The following CRPPA variants were observed in gnomAD, a reference collection of about 807,000 sequenced individuals.
CRPPA encodes CDP-L-ribitol pyrophosphorylase A.
In CRPPA, 43 loss-of-function variants were observed where a neutral mutation model predicts 52.0. The ratio of observed to expected loss-of-function variants is 0.83; its 90% CI spans 0.65 to 1.07. The LOEUF (loss-of-function observed/expected upper bound fraction) is 1.07, where lower values mean the gene tolerates loss of function less well. CRPPA is among the 50% of genes least tolerant of loss of function. CRPPA has a pLI of 0.00. For synonymous variants in CRPPA, 250 were observed against 203.5 expected, an observed-to-expected ratio of 1.23 and a Z score of -1.94; for missense variants, 629 against 551.7, an observed-to-expected ratio of 1.14 and a Z score of -1.40.
chr7:16,372,402 T>C (rs1446227442), intron 3 of CRPPA, among the ~76,000 whole-genome samples: 1 of 152,198 alleles, frequency 6.6e-6, no homozygotes, highest in East Asian at 1.9e-4. Context: ...TTTAGCCTCC[T>C]GAAACAAATA....
intron 8 of CRPPA, among the ~76,000 whole-genome samples, chr7:16,219,490 T>C (rs1393077931): frequency 3.9e-5 from 4 of 103,498 alleles, no homozygotes; most frequent in Non-Finnish European, 8.2e-5. Context: ...TTCAAAAAAT[T>C]AATGAATCCA....
intron 9 of CRPPA, among the ~76,000 whole-genome samples, chr7:16,165,080 T>A (rs2109369): frequency 0.014 from 2,162 of 152,238 alleles, 26 homozygotes; most frequent in Non-Finnish European, 0.022. Flanking sequence ...AACGTTTAAG[T>A]CTGCTAAGGT....
chr7:16,099,410 AAGGGGAGGGG>A (rs1262319133), intron 9 of CRPPA, among the ~76,000 whole-genome samples: 1 of 107,962 alleles, frequency 9.3e-6, no homozygotes, highest in Admixed American at 1.1e-4. Flanking sequence ...AAGGGGAGGG[AAGGGGAGGGG>A]AGGGAAGGGG....
intron 2 of CRPPA, among the ~76,000 whole-genome samples, chr7:16,399,711 G>T (rs553719114): frequency 6.6e-6 from 1 of 151,412 alleles, no homozygotes; most frequent in South Asian, 2.1e-4. Context: ...TGACCAACAT[G>T]ACTGACATGA....
At chr7:16,172,437 G>A (rs545753027) in intron 9 of CRPPA, among the ~76,000 whole-genome samples, 2 of 152,256 alleles carry the variant, frequency 1.3e-5, no homozygotes, top group South Asian at 4.1e-4. Context: ...GAGTCTAGAA[G>A]GAAATTTCTT....
At chr7:16,116,482 T>C (rs1293590632) in intron 9 of CRPPA, among the ~76,000 whole-genome samples, 2 of 151,936 alleles carry the variant, frequency 1.3e-5, no homozygotes, top group Non-Finnish European at 2.9e-5. Context: ...CTGGCCAACA[T>C]GGCGAAACCC....
intron 2 of CRPPA, among the ~76,000 whole-genome samples, chr7:16,401,554 A>T (rs181012082): frequency 6.6e-6 from 1 of 152,166 alleles, no homozygotes; most frequent in African/African-American, 2.4e-5. Flanking sequence ...TTCCACCAGG[A>T]GCAATACTTA....
Position 16,341,067 on chromosome 7 carries a change from T to A in CRPPA, c.685-32440A>T, listed in dbSNP as rs553091574. Among the ~76,000 whole-genome samples, 60 of 152,164 alleles carry A rather than the reference T, an allele frequency of 3.9e-4. 1 individual carries two copies. In the South Asian group the frequency reaches 0.011, roughly 29 times the overall value. On this transcript the variant is annotated intron_variant, in intron 3 of 9. Transcript: ENST00000407010. ...AAGGCAAGCTACGGAGACAGTAAAA[T>A]CATCAGGGGTTGTTAGATGTTGGGG... is the stretch of plus-strand genomic sequence containing the variant.
In CRPPA at chr7:16,229,724, A is replaced by G. The variant is rs539469518; in HGVS notation, c.1120-13527T>C. ...TGGATTTCACTGTATACTTTTACCAATAAGTTTTATATTTTCAAATGTTTT... is the reference window on the plus strand; with the variant it reads ...TGGATTTCACTGTATACTTTTACCAGTAAGTTTTATATTTTCAAATGTTTT... On this transcript the variant is annotated intron_variant, in intron 8 of 9. Coordinates refer to ENST00000407010, the MANE Select transcript of CRPPA (RefSeq NM_001101426.4). Among the ~76,000 whole-genome samples, 110 of 152,176 alleles carry G rather than the reference A, an allele frequency of 7.2e-4. 2 individuals are homozygous for G. Among genetic ancestry groups the G allele is most frequent in the African/African-American group, 2.6e-3 (107 of 41,550 alleles).
rs6959673 is a variant in CRPPA, at chr7:16,307,081, A to G, written c.789+1442T>C. On this transcript the variant is annotated intron_variant, in intron 4 of 9. Coordinates refer to ENST00000407010, the MANE Select transcript of CRPPA (RefSeq NM_001101426.4). ...TACAGGGCTTTCTGTTTTAAAAATC[A>G]GTAAGGAAATATGCTTATAGACTCA... Among the ~76,000 whole-genome samples, 759 of 152,302 alleles carry G rather than the reference A, an allele frequency of 5.0e-3. 7 individuals carry two copies. The highest frequency in any genetic ancestry group is 0.017 in the African/African-American group (721 of 41,576).
intron 8 of CRPPA, among the ~76,000 whole-genome samples, chr7:16,254,361 G>A (rs1783554728): frequency 6.6e-6 from 1 of 152,118 alleles, no homozygotes; most frequent in African/African-American, 2.4e-5. Context: ...ACGATAGACT[G>A]GATTAAGAAA....
rs1371272175 is a variant in CRPPA at position 16,090,226 on chromosome 7, G to A, written c.*1469C>T. 6.6e-6 allele frequency: 1 copy of A among 151,970 alleles called. No individual in the cohort carries two copies. The highest frequency in any genetic ancestry group is 2.4e-5 in the African/African-American group (1 of 41,360). The allele number at this position is 151,970 out of a possible 1,614,324, so 9.4% of individuals were successfully genotyped here. On this transcript the variant is annotated 3_prime_UTR_variant, in exon 10 of 10. Coordinates refer to ENST00000407010, the MANE Select transcript of CRPPA (RefSeq NM_001101426.4). The stretch of plus-strand genomic sequence containing the variant: ...ACATTCAAATAACACATTTCAATTA[G>A]GAGAATGTAAAATATAAACTCTCCT...
At chr7:16,355,354 A>T (rs1436740814) in intron 3 of CRPPA, among the ~76,000 whole-genome samples, 2 of 152,190 alleles carry the variant, frequency 1.3e-5, no homozygotes, top group African/African-American at 4.8e-5. Flanking sequence ...ATAATTTAAG[A>T]CATCATTACA....
chr7:16,323,603 C>G (rs1223744757), intron 3 of CRPPA, among the ~76,000 whole-genome samples: 1 of 152,188 alleles, frequency 6.6e-6, no homozygotes, highest in Non-Finnish European at 1.5e-5. Context: ...CTCAGCTAAT[C>G]CACAGAGGCA....
At chr7:16,131,763 T>TA (rs1782684884) in intron 9 of CRPPA, among the ~76,000 whole-genome samples, 1 of 152,172 alleles carries the variant, frequency 6.6e-6, no homozygotes. Flanking sequence ...GTAGTTTTTG[T>TA]AAAGATGGAG....
chr7:16,219,583 A>T lies in CRPPA; in HGVS notation c.1120-3386T>A, dbSNP rs1782441096. ...AGAAGAAAAGAGAGAAGAATCAAAGAGATGCAATAAAAAATGATAAAGGGG... is the reference window on the plus strand; with the variant it reads ...AGAAGAAAAGAGAGAAGAATCAAAGTGATGCAATAAAAAATGATAAAGGGG... On this transcript the variant is annotated intron_variant, in intron 8 of 9. Transcript: ENST00000407010. 2.5e-5 allele frequency among the ~76,000 whole-genome samples: 3 copies of T among 122,422 alleles called. No homozygotes were observed. In the South Asian group the frequency reaches 8.7e-4, roughly 35 times the overall value. 80.3% of individuals were successfully genotyped at this position (122,422 alleles called of 152,430 possible).
chr7:16,109,465 A>C (rs1417314128), intron 9 of CRPPA, among the ~76,000 whole-genome samples: 1 of 151,868 alleles, frequency 6.6e-6, no homozygotes, highest in African/African-American at 2.4e-5. Flanking sequence ...TTCTTGGCTG[A>C]ATTCTACCAA....
At chr7:16,414,043 A>G (rs941973795) in intron 1 of CRPPA, among the ~76,000 whole-genome samples, 1 of 152,210 alleles carries the variant, frequency 6.6e-6, no homozygotes, top group African/African-American at 2.4e-5. Flanking sequence ...GTGGAACAGC[A>G]CATTTTCCTG....
intron 9 of CRPPA, among the ~76,000 whole-genome samples, chr7:16,122,048 C>G (rs755793417): frequency 1.3e-5 from 2 of 152,032 alleles, no homozygotes; most frequent in Non-Finnish European, 2.9e-5. Flanking sequence ...CATTACAAAT[C>G]TCCTGTGGCA....
Sources: gnomAD v4.1 joint callset for allele counts (sites outside exome capture counted in the v4.1 genomes callset) on GRCh38, gnomAD v4.1.1 for gene constraint, MANE v1.5 for transcripts, NCBI Gene and HGNC (gene_info 2026-07-23, HGNC 2026-07-21) for gene names.